CFAP299: variants seen among roughly 807,000 people sequenced by gnomAD.
The protein encoded by CFAP299 is cilia- and flagella-associated protein 299.
In CFAP299, 21 loss-of-function variants were observed where a neutral mutation model predicts 27.0. That is an observed-to-expected ratio of 0.78 (90% CI 0.55 to 1.12). The LOEUF (loss-of-function observed/expected upper bound fraction) is 1.12, where lower values mean the gene tolerates loss of function less well. Ranked by LOEUF, CFAP299 falls within the 50% of genes most tolerant of loss-of-function variation. CFAP299 has a pLI of 0.00. For synonymous variants in CFAP299, 104 were observed against 98.1 expected (o/e 1.06, Z -0.36); for missense variants, 310 against 276.6 (o/e 1.12, Z -0.86).
chr4:80,391,404 C>A (rs11930816), intron 2 of CFAP299, among the ~76,000 whole-genome samples: 34,390 of 151,936 alleles, frequency 0.23, 4,025 homozygotes, highest in South Asian at 0.3. Flanking sequence ...TTTTGATAAT[C>A]GCCATTCTAA....
intron 3 of CFAP299, among the ~76,000 whole-genome samples, chr4:80,631,859 G>GGC (rs34615962): frequency 2.8e-4 from 6 of 21,514 alleles, no homozygotes; most frequent in African/African-American, 2.9e-4. Context: ...GAATATTTGT[G>GGC]CCCCACCCCC....
intron 3 of CFAP299, among the ~76,000 whole-genome samples, chr4:80,689,884 G>C (rs1225620596): frequency 6.6e-6 from 1 of 151,758 alleles, no homozygotes; most frequent in Non-Finnish European, 1.5e-5. Flanking sequence ...AAAGGCAGGG[G>C]TTGCAATCCT....
chr4:80,428,369 T>C (rs930735367), intron 2 of CFAP299, among the ~76,000 whole-genome samples: 1 of 152,184 alleles, frequency 6.6e-6, no homozygotes, highest in Non-Finnish European at 1.5e-5. Context: ...TCTTTATCTG[T>C]AGTAATCTGC....
intron 3 of CFAP299, among the ~76,000 whole-genome samples, chr4:80,611,342 T>C (rs947511702): frequency 6.6e-6 from 1 of 152,108 alleles, no homozygotes; most frequent in African/African-American, 2.4e-5. Flanking sequence ...TCAGGGGACA[T>C]GTGGGAATGC....
chr4:80,386,255 G>T, intron 2 of CFAP299: 1 of 1,167,876 alleles, frequency 8.6e-7, no homozygotes, highest in South Asian at 1.3e-5. Flanking sequence ...AGCCCCGCCA[G>T]AGCCAGGTTG....
chr4:80,325,295 C>T, the CFAP299 span, among the ~76,000 whole-genome samples: 1 of 152,198 alleles, frequency 6.6e-6, no homozygotes. Flanking sequence ...GAATTATCTA[C>T]TCTTGGTTAT....
intron 2 of CFAP299, among the ~76,000 whole-genome samples, chr4:80,540,223 A>G (rs1041225867): frequency 1.2e-4 from 19 of 152,186 alleles, no homozygotes; most frequent in African/African-American, 4.6e-4. Context: ...TCTGTTGTTT[A>G]AGAACATTGA....
chr4:80,892,812 A>G lies in CFAP299; in HGVS notation c.476+22677A>G, dbSNP rs192680476. 4.0e-3 allele frequency among the ~76,000 whole-genome samples: 615 copies of G among 152,248 alleles called. 1 individual carries two copies. Among genetic ancestry groups the G allele is most frequent in the Middle Eastern group, 0.017 (5 of 294 alleles). ...AACCGAAAGCTTTTCCTCCAAGATA[A>G]GTATTAAGACAAGAATGCTCACTCA... On this transcript the variant is annotated intron_variant, in intron 4 of 5. Transcript: ENST00000358105.
chr4:80,847,354 C>G (rs1423706260), intron 3 of CFAP299, among the ~76,000 whole-genome samples: 1 of 152,212 alleles, frequency 6.6e-6, no homozygotes, highest in Non-Finnish European at 1.5e-5. Flanking sequence ...TTGACACAAT[C>G]TCTCTGCAAT....
At chr4:80,878,156 G>C (rs375570967) in intron 4 of CFAP299, among the ~76,000 whole-genome samples, 1 of 152,036 alleles carries the variant, frequency 6.6e-6, no homozygotes, top group East Asian at 1.9e-4. Context: ...TACATTGCTT[G>C]TGTCTCTTTA....
chr4:80,508,452 C>T (rs534855681), intron 2 of CFAP299, among the ~76,000 whole-genome samples: 38 of 152,168 alleles, frequency 2.5e-4, no homozygotes, highest in African/African-American at 8.9e-4. Flanking sequence ...AAGAAACTTG[C>T]TATAAGAAGC....
intron 1 of CFAP299, among the ~76,000 whole-genome samples, chr4:80,354,362 G>A (rs1209947886): frequency 5.3e-5 from 8 of 152,140 alleles, no homozygotes; most frequent in Non-Finnish European, 7.4e-5. Context: ...AAGATGTACA[G>A]TTAAATGTTG....
chr4:80,847,451 G>A (rs1350473618), intron 3 of CFAP299, among the ~76,000 whole-genome samples: 2 of 152,174 alleles, frequency 1.3e-5, no homozygotes, highest in Non-Finnish European at 2.9e-5. Context: ...GTTGGGGGAA[G>A]TCTAGTGGCA....
At chr4:80,627,060 C>T (rs990013303) in intron 3 of CFAP299, among the ~76,000 whole-genome samples, 1 of 151,728 alleles carries the variant, frequency 6.6e-6, no homozygotes, top group African/African-American at 2.4e-5. Context: ...ACCCTACAGA[C>T]CAATATCTCT....
chr4:80,468,888 G>GTT (rs1352711687), intron 2 of CFAP299, among the ~76,000 whole-genome samples: 1 of 147,602 alleles, frequency 6.8e-6, no homozygotes, highest in African/African-American at 2.5e-5. Flanking sequence ...TTAGTTATTA[G>GTT]TTTTAGAAAA....
At chr4:80,613,935 A>T (rs949050234) in intron 3 of CFAP299, among the ~76,000 whole-genome samples, 13 of 152,140 alleles carry the variant, frequency 8.5e-5, no homozygotes, top group African/African-American at 3.1e-4. Context: ...GCTATTCCTT[A>T]TACCTTTGCT....
intron 3 of CFAP299, among the ~76,000 whole-genome samples, chr4:80,869,432 A>G (rs1732943600): frequency 6.6e-6 from 1 of 152,208 alleles, no homozygotes; most frequent in South Asian, 2.1e-4. Flanking sequence ...AGATAAAGCT[A>G]TCAGCATAAT....
At chr4:80,394,308 G>A (rs950406919) in intron 2 of CFAP299, among the ~76,000 whole-genome samples, 1 of 151,826 alleles carries the variant, frequency 6.6e-6, no homozygotes, top group Admixed American at 6.6e-5. Context: ...TTGTGATTGA[G>A]TGAATTCCTT....
intron 4 of CFAP299, among the ~76,000 whole-genome samples, chr4:80,906,882 G>C (rs1486816257): frequency 1.3e-5 from 2 of 152,132 alleles, no homozygotes; most frequent in African/African-American, 2.4e-5. Flanking sequence ...TCTCTGACAT[G>C]CCCTGGAGAC....
Sources: gnomAD v4.1 joint callset for allele counts (sites outside exome capture counted in the v4.1 genomes callset) on GRCh38, gnomAD v4.1.1 for gene constraint, MANE v1.5 for transcripts, NCBI Gene and HGNC (gene_info 2026-07-23, HGNC 2026-07-21) for gene names.